The following TFDP2 variants were observed in gnomAD, a reference collection of about 807,000 sequenced individuals.
TFDP2 encodes the protein transcription factor Dp-2.
A neutral mutation model predicts 59.3 loss-of-function variants in TFDP2; 17 were observed. The observed-to-expected ratio is 0.29, with a 90% CI of 0.20 to 0.43. The LOEUF is 0.43. TFDP2 is among the 20% of genes least tolerant of loss of function. The probability of loss-of-function intolerance (pLI) is 1.00; values close to 1 mark genes in which losing one functional copy is unlikely to be tolerated. For synonymous variants in TFDP2, 180 were observed against 194.7 expected, an observed-to-expected ratio of 0.92 and a Z score of 0.63; for missense variants, 391 against 528.8, an observed-to-expected ratio of 0.74 and a Z score of 2.56.
In TFDP2 at chr3:141,984,366, G is replaced by A. The variant is rs143108381; in HGVS notation, c.357-5684C>T. 2.7e-3 allele frequency among the ~76,000 whole-genome samples: 417 copies of A among 152,178 alleles called. 5 individuals are homozygous for A. The highest frequency in any genetic ancestry group is 9.3e-3 in the African/African-American group (384 of 41,510). On this transcript the variant is annotated intron_variant, in intron 6 of 12. Transcript: ENST00000489671. ...TACAAAAATTAGCTGGTGTGGTGGC[G>A]CGTGCCTGTAGTCTCAGCTACTTGG...
intron 1 of TFDP2, among the ~76,000 whole-genome samples, chr3:142,148,736 C>T (rs1469296457): frequency 6.6e-6 from 1 of 152,150 alleles, no homozygotes; most frequent in East Asian, 1.9e-4. Context: ...GAGAAAAGTT[C>T]CTTTATGGGG....
At position 142,088,891 on chromosome 3, in the gene TFDP2, G is replaced by C. The variant is rs146449986; in HGVS notation, c.82+4170C>G. On this transcript the variant is annotated intron_variant, in intron 3 of 12. Coordinates refer to ENST00000489671, the MANE Select transcript of TFDP2 (RefSeq NM_001178139.2). ...CACCCAGGCTGGAGTGCAATGACGT[G>C]ATCTTGGCTCACTACAACCTCTGCC... 3.9e-3 allele frequency among the ~76,000 whole-genome samples: 594 copies of C among 151,636 alleles called. 5 individuals carry two copies. The highest frequency in any genetic ancestry group is 0.014 in the African/African-American group (562 of 41,330).
chr3:141,986,068 A>C (rs1942065596), intron 6 of TFDP2, among the ~76,000 whole-genome samples: 1 of 152,256 alleles, frequency 6.6e-6, no homozygotes, highest in Admixed American at 6.5e-5. Context: ...CTAAACAAAG[A>C]GTAACTGTAT....
At chr3:142,018,140 C>T (rs969273812) in intron 3 of TFDP2, among the ~76,000 whole-genome samples, 3 of 151,924 alleles carry the variant, frequency 2.0e-5, no homozygotes, top group East Asian at 3.9e-4. Flanking sequence ...ACAGGGGTCT[C>T]GTCATGCTGG....
chr3:142,109,433 A>ATCC (rs1246227106), intron 1 of TFDP2, among the ~76,000 whole-genome samples: 1 of 149,600 alleles, frequency 6.7e-6, no homozygotes, highest in African/African-American at 2.5e-5. Flanking sequence ...GGTTCAAGCG[A>ATCC]TCCTCCTGCC....
chr3:141,999,337 C>T (rs1015222069), intron 4 of TFDP2, among the ~76,000 whole-genome samples: 13 of 152,080 alleles, frequency 8.5e-5, no homozygotes, highest in Admixed American at 2.0e-4. Context: ...ATTAATATAA[C>T]ATAAAATGTG....
intron 3 of TFDP2, among the ~76,000 whole-genome samples, chr3:142,092,155 C>T (rs1246489915): frequency 6.6e-6 from 1 of 152,070 alleles, no homozygotes; most frequent in Non-Finnish European, 1.5e-5. Flanking sequence ...ATAATACCAC[C>T]CACTTTACCC....
At chr3:142,071,066 A>G (rs2060230908) in intron 3 of TFDP2, among the ~76,000 whole-genome samples, 1 of 152,200 alleles carries the variant, frequency 6.6e-6, no homozygotes. Context: ...AGACAGAGAA[A>G]AGAGAACAGG....
chr3:141,963,642 C>T (rs7612323), intron 10 of TFDP2, among the ~76,000 whole-genome samples, 170 bp downstream of exon 10: 11,394 of 152,126 alleles, frequency 0.075, 573 homozygotes, highest in African/African-American at 0.14. Context: ...AGGGTTGGAG[C>T]GCACACTAGT....
intron 3 of TFDP2, among the ~76,000 whole-genome samples, chr3:142,006,672 G>A (rs935757074): frequency 1.3e-5 from 2 of 151,912 alleles, no homozygotes; most frequent in African/African-American, 4.8e-5. Flanking sequence ...TTGCCATGTT[G>A]CCCAGCCTGG....
Position 141,978,657 on chromosome 3 carries a change from T to C in TFDP2, c.382A>G (p.Asn128Asp). The change falls in exon 7 of 13, where the codon AAT (asparagine) becomes GAT (aspartate). Residue 128 changes from asparagine to aspartate, a missense_variant. Around this residue, in one of 3 missense-constraint regions of TFDP2, gnomAD observed 162 missense variants for 206.8 expected, o/e 0.78. Transcript: ENST00000489671. The part of the protein sequence containing the change: ...ESKRSKKGDK[N>D]GKGLRHFSMK... ...GAAAAGTGTCTCAAGCCTTTCCCATTTTTATCTCCTTTTTTGCTTCGTTTA... is the reference window on the plus strand; with the variant it reads ...GAAAAGTGTCTCAAGCCTTTCCCATCTTTATCTCCTTTTTTGCTTCGTTTA... The C allele has an allele frequency of 6.2e-7, 1 of 1,609,500 alleles. No homozygotes were observed. Among genetic ancestry groups the C allele is most frequent in the South Asian group, 1.1e-5 (1 of 89,708 alleles).
chr3:142,113,379 C>G (rs2108677157), intron 1 of TFDP2, among the ~76,000 whole-genome samples: 1 of 152,246 alleles, frequency 6.6e-6, no homozygotes, highest in East Asian at 1.9e-4. Context: ...CTGCCTCAGC[C>G]TCCCGAGTAG....
intron 2 of TFDP2, among the ~76,000 whole-genome samples, chr3:142,101,491 T>C (rs942779700): frequency 1.3e-5 from 2 of 152,158 alleles, no homozygotes; most frequent in Non-Finnish European, 2.9e-5. Context: ...CTTCTGGAGA[T>C]AGCAATTTGC....
chr3:142,039,153 C>T (rs181904950), intron 3 of TFDP2, among the ~76,000 whole-genome samples: 57 of 152,308 alleles, frequency 3.7e-4, no homozygotes, highest in African/African-American at 1.4e-3. Context: ...TTGTCATTTA[C>T]ATTTGAGTTT....
intron 3 of TFDP2, among the ~76,000 whole-genome samples, chr3:142,050,271 A>T (rs147740337): frequency 0.062 from 9,291 of 150,576 alleles, 328 homozygotes; most frequent in Middle Eastern, 0.11. Context: ...CTCAAAAAAA[A>T]AAAAATAATA....
intron 3 of TFDP2, among the ~76,000 whole-genome samples, chr3:142,061,678 T>C (rs2059916502): frequency 6.6e-6 from 1 of 152,068 alleles, no homozygotes; most frequent in African/African-American, 2.4e-5. Context: ...TTGGGACTTG[T>C]ACCATCAGCC....
intron 3 of TFDP2, among the ~76,000 whole-genome samples, chr3:142,061,037 T>TA (rs1269575855): frequency 1.3e-5 from 2 of 152,216 alleles, no homozygotes; most frequent in African/African-American, 4.8e-5. Flanking sequence ...CAACTCAAAC[T>TA]AAATCTCATT....
chr3:141,955,523 T>C (rs1044652388), intron 11 of TFDP2, among the ~76,000 whole-genome samples: 1 of 151,686 alleles, frequency 6.6e-6, no homozygotes, highest in Non-Finnish European at 1.5e-5. Context: ...ACGGAACAGG[T>C]GGGCTGAGGG....
At chr3:142,105,631 G>C (rs755750640) in intron 1 of TFDP2, among the ~76,000 whole-genome samples, 13 of 152,106 alleles carry the variant, frequency 8.5e-5, no homozygotes, top group Non-Finnish European at 1.9e-4. Context: ...AATTAACAGA[G>C]TATTACTATT....
Sources: gnomAD v4.1 joint callset for allele counts (sites outside exome capture counted in the v4.1 genomes callset) on GRCh38, gnomAD v4.1.1 for gene constraint, gnomAD v4.1.1 regional missense constraint, MANE v1.5 for transcripts, NCBI Gene and HGNC (gene_info 2026-07-23, HGNC 2026-07-21) for gene names.